The following KCNJ12 variants were observed in gnomAD, a reference collection of about 807,000 sequenced individuals.
KCNJ12 encodes the protein ATP-sensitive inward rectifier potassium channel 12.
A neutral mutation model predicts 22.3 loss-of-function variants in KCNJ12; 2 were observed. The ratio of observed to expected loss-of-function variants is 0.09; its 90% CI spans 0.04 to 0.28. The LOEUF (loss-of-function observed/expected upper bound fraction) is 0.28, where lower values mean the gene tolerates loss of function less well. KCNJ12 is among the 10% of genes least tolerant of loss of function. KCNJ12 has a pLI of 1.00. For synonymous variants in KCNJ12, 117 were observed against 261.4 expected, an observed-to-expected ratio of 0.45 and a Z score of 5.33; for missense variants, 155 against 633.3, an observed-to-expected ratio of 0.24 and a Z score of 8.11.
chr17:21,416,533 C>A lies in KCNJ12; in HGVS notation c.1191C>A (p.Asp397Glu). The change falls in exon 3 of 3, where the codon GAC becomes GAA. Residue 397 changes from aspartate (D) to glutamate (E), a missense_variant. Asp to Glu is a conservative substitution (Grantham distance 45). Transcript: ENST00000583088. Reference sequence around the variant, plus strand: ...AGGATGAGGCGGACGGAGACCAGGACGGCCGAAGCCGGGACGGCCTCAGCC... The same window carrying A: ...AGGATGAGGCGGACGGAGACCAGGAAGGCCGAAGCCGGGACGGCCTCAGCC... ...DEEDEADGDQDGRSRDGLSPQ... is the reference protein window; with the variant it reads ...DEEDEADGDQEGRSRDGLSPQ... 6.3e-7 allele frequency: 1 copy of A among 1,579,322 alleles called. No homozygotes were observed. Among genetic ancestry groups the A allele is most frequent in the Non-Finnish European group, 8.6e-7 (1 of 1,166,182 alleles).
intron 1 of KCNJ12, among the ~76,000 whole-genome samples, chr17:21,377,609 G>T (rs1238082780): frequency 6.6e-6 from 1 of 152,108 alleles, no homozygotes; most frequent in East Asian, 1.9e-4. Flanking sequence ...CTCTCCGGGT[G>T]CCCTGGGGGA....
intron 2 of KCNJ12, among the ~76,000 whole-genome samples, chr17:21,411,801 A>G (rs1260662031): frequency 6.6e-6 from 1 of 152,310 alleles, no homozygotes; most frequent in Non-Finnish European, 1.5e-5. Flanking sequence ...GGTGGAGGAT[A>G]TTGTCCTATA....
At chr17:21,383,319 G>A (rs1005484133) in intron 1 of KCNJ12, among the ~76,000 whole-genome samples, 18 of 152,220 alleles carry the variant, frequency 1.2e-4, no homozygotes, top group East Asian at 5.8e-4. Flanking sequence ...GGCAGCAGCC[G>A]AGCCAACCCC....
At chr17:21,392,989 G>A (rs1368262015) in intron 1 of KCNJ12, among the ~76,000 whole-genome samples, 4 of 152,164 alleles carry the variant, frequency 2.6e-5, no homozygotes, top group Non-Finnish European at 4.4e-5. Flanking sequence ...AACAGGATGG[G>A]CCCCTAACTT....
chr17:21,378,888 C>T (rs968251875), intron 1 of KCNJ12, among the ~76,000 whole-genome samples: 4 of 152,128 alleles, frequency 2.6e-5, no homozygotes, highest in African/African-American at 7.2e-5. Flanking sequence ...CCGGAGGGGA[C>T]CCCTCCAGGA....
chr17:21,394,184 T>A (rs1361061271), intron 1 of KCNJ12, among the ~76,000 whole-genome samples: 1 of 152,168 alleles, frequency 6.6e-6, no homozygotes, highest in Non-Finnish European at 1.5e-5. Context: ...TCCCATAAGA[T>A]CATCAAGGGG....
rs1906617927 is a variant in KCNJ12, at chr17:21,415,079, G to A, written c.-56-208G>A. Among the ~76,000 whole-genome samples, 4 of 152,406 alleles carry A rather than the reference G, an allele frequency of 2.6e-5. No homozygotes were observed. The South Asian group carries it at 8.3e-4, about 32-fold the overall frequency. On this transcript the variant is annotated intron_variant, in intron 2 of 2. Coordinates refer to ENST00000583088, the MANE Select transcript of KCNJ12 (RefSeq NM_021012.5). ...TGTGGGAGTGAGGTGTGGAGCTGAG[G>A]TTTTTGGCTGGAGCTGCTGGGGGCC...
intron 1 of KCNJ12, among the ~76,000 whole-genome samples, chr17:21,386,225 C>T (rs1190637983): frequency 6.6e-6 from 1 of 152,230 alleles, no homozygotes; most frequent in Non-Finnish European, 1.5e-5. Flanking sequence ...GGGGCTTTCC[C>T]CCAACTTCTG....
At chr17:21,392,480 G>A (rs944387914) in intron 1 of KCNJ12, among the ~76,000 whole-genome samples, 8 of 152,264 alleles carry the variant, frequency 5.3e-5, no homozygotes, top group Non-Finnish European at 1.2e-4. Context: ...GCTCAAGGCA[G>A]GGGGCAGGGG....
intron 2 of KCNJ12, among the ~76,000 whole-genome samples, chr17:21,411,858 G>A (rs1906368273): frequency 6.6e-6 from 1 of 152,312 alleles, no homozygotes; most frequent in Non-Finnish European, 1.5e-5. Context: ...GTAACATCTT[G>A]CCACACCTGT....
chr17:21,398,814 G>A (rs1217988951), intron 1 of KCNJ12, among the ~76,000 whole-genome samples: 1 of 152,248 alleles, frequency 6.6e-6, no homozygotes, highest in Non-Finnish European at 1.5e-5. Flanking sequence ...TGTGGTGTGA[G>A]AGCAGGCATG....
In KCNJ12 at chr17:21,416,786, G is replaced by A; in HGVS notation, c.*142G>A. The A allele has an allele frequency of 2.2e-6, 3 of 1,392,110 alleles. No individual in the cohort carries two copies. Among genetic ancestry groups the A allele is most frequent in the Non-Finnish European group, 1.9e-6 (2 of 1,048,168 alleles). 86.2% of individuals were successfully genotyped at this position (1,392,110 alleles called of 1,614,324 possible). A position where few individuals can be genotyped will look rare whatever the true frequency, so the allele number is the denominator to read the frequency against. Reference sequence around the variant, plus strand: ...CGTTTTAGTCGTTTTATGTTTCTTTGCAACGGCCTCAGAAGTTTGGCCGGA... The same window carrying A: ...CGTTTTAGTCGTTTTATGTTTCTTTACAACGGCCTCAGAAGTTTGGCCGGA... On this transcript the variant is annotated 3_prime_UTR_variant, in exon 3 of 3. Coordinates refer to ENST00000583088, the MANE Select transcript of KCNJ12 (RefSeq NM_021012.5).
intron 2 of KCNJ12, among the ~76,000 whole-genome samples, chr17:21,409,023 T>C (rs1906155583): frequency 6.6e-6 from 1 of 152,312 alleles, no homozygotes; most frequent in African/African-American, 2.4e-5. Context: ...CATCTCCTCA[T>C]CCATCCCATT....
intron 1 of KCNJ12, among the ~76,000 whole-genome samples, chr17:21,395,045 C>A (rs1304842289): frequency 6.6e-6 from 1 of 152,144 alleles, no homozygotes; most frequent in Admixed American, 6.5e-5. Context: ...CACCTGTAAT[C>A]CCAGCACTTT....
rs111233160 is a variant in KCNJ12, at chr17:21,385,549, G to C, written c.-179+8636G>C. Among the ~76,000 whole-genome samples the C allele has an allele frequency of 4.7e-3, 709 of 152,330 alleles. 8 individuals carry two copies. The highest frequency in any genetic ancestry group is 0.016 in the African/African-American group (667 of 41,568). On this transcript the variant is annotated intron_variant, in intron 1 of 2. Transcript: ENST00000583088. ...GCGGCCAGGTCCCTCCCCAGGCCCT[G>C]GGAGCCTTGAAGACCACTGGAGGCA...
At chr17:21,387,402 A>G (rs1389643762) in intron 1 of KCNJ12, among the ~76,000 whole-genome samples, 12 of 147,098 alleles carry the variant, frequency 8.2e-5, no homozygotes, top group Non-Finnish European at 1.6e-4. Flanking sequence ...AGATCGCGCC[A>G]TAGCACTCCA....
chr17:21,416,440 G>C lies in KCNJ12; in HGVS notation c.1098G>C (p.Lys366Asn). The change falls in exon 3 of 3, where the codon AAG becomes AAC. Residue 366 changes from lysine (K) to asparagine (N), a missense_variant. By Grantham distance (94) the Lys-to-Asn change is moderately conservative. Transcript: ENST00000583088. ...RCSAKDLVEN[K>N]FLLPSANSFC... The stretch of plus-strand genomic sequence containing the variant: ...GTGCGAAGGATCTGGTAGAGAACAA[G>C]TTCCTGCTGCCCAGCGCCAACTCCT... 6.2e-7 allele frequency: 1 copy of C among 1,614,104 alleles called. No individual in the cohort carries two copies. Among genetic ancestry groups the C allele is most frequent in the Non-Finnish European group, 8.5e-7 (1 of 1,180,060 alleles).
rs533391762 is a variant in KCNJ12 at position 21,418,059 on chromosome 17, C to T, written c.*1415C>T. The T allele has an allele frequency of 6.0e-6, 1 of 167,318 alleles. No individual in the cohort carries two copies. Among genetic ancestry groups the T allele is most frequent in the East Asian group, 1.9e-4 (1 of 5,184 alleles). 10.4% of individuals were successfully genotyped at this position (167,318 alleles called of 1,614,324 possible). A position where few individuals can be genotyped will look rare whatever the true frequency, so the allele number is the denominator to read the frequency against. ...TCCAGGGCCGCTCCTCCACCACCCT[C>T]CCCCAGGTTGAGGCACTATGGCACC... is the stretch of plus-strand genomic sequence containing the variant. On this transcript the variant is annotated 3_prime_UTR_variant, in exon 3 of 3. Transcript: ENST00000583088.
intron 1 of KCNJ12, among the ~76,000 whole-genome samples, chr17:21,388,486 G>T (rs953903322): frequency 6.6e-6 from 1 of 152,324 alleles, no homozygotes; most frequent in Non-Finnish European, 1.5e-5. Flanking sequence ...GGCCAAGGGA[G>T]CTTGGGTGTC....
Sources: allele counts gnomAD v4.1 joint callset (sites outside exome capture counted in the v4.1 genomes callset), GRCh38; gene constraint gnomAD v4.1.1; transcripts MANE v1.5; gene names NCBI Gene and HGNC (gene_info 2026-07-23, HGNC 2026-07-21).